The following PLCH1 variants were observed in gnomAD, a reference collection of about 807,000 sequenced individuals.
The protein encoded by PLCH1 is 1-phosphatidylinositol 4,5-bisphosphate phosphodiesterase eta-1.
Under a neutral mutation model 126.7 loss-of-function variants are expected in PLCH1, and 60 were observed. The ratio of observed to expected loss-of-function variants is 0.47; its 90% CI spans 0.38 to 0.59. PLCH1 has a LOEUF of 0.59. PLCH1 is among the 20% of genes least tolerant of loss of function. The pLI is 0.00. For synonymous variants in PLCH1, 719 were observed against 734.9 expected, an observed-to-expected ratio of 0.98 and a Z score of 0.35; for missense variants, 1,723 against 2,040.0, an observed-to-expected ratio of 0.84 and a Z score of 2.99.
intron 2 of PLCH1, among the ~76,000 whole-genome samples, chr3:155,660,218 G>A (rs1741966799): frequency 6.6e-6 from 1 of 152,174 alleles, no homozygotes; most frequent in Admixed American, 6.5e-5. Flanking sequence ...TCCTAATACA[G>A]CAGAGCCACG....
rs1272852541 is a variant in PLCH1, at chr3:155,481,440, T to A, written c.4586A>T (p.Glu1529Val). Residue 1529 changes from glutamate (E) to valine (V), a missense_variant, in exon 23 of 23, where the codon GAG (glutamate) becomes GTG (valine). Glu to Val is a moderately radical substitution (Grantham distance 121). This residue lies in a region of PLCH1 where 947 missense variants were observed against 977.1 expected (regional missense o/e 0.97). Coordinates refer to ENST00000460012, the MANE Select transcript of PLCH1 (RefSeq NM_014996.4). This position sits in a 1 kb window ranked among gnomAD's most constrained non-coding sequence, Gnocchi z 4.2. Reference protein sequence around the residue: ...KGVTVKTKSLEPIDALTEQLR... With the variant: ...KGVTVKTKSLVPIDALTEQLR... ...CTGCTCGGTCAGGGCATCTATAGGCTCTAACGACTTTGTCTTCACAGTCAC... is the reference window on the plus strand; with the variant it reads ...CTGCTCGGTCAGGGCATCTATAGGCACTAACGACTTTGTCTTCACAGTCAC... 1 of 1,614,184 alleles carries A rather than the reference T, an allele frequency of 6.2e-7. No homozygotes were observed. Among genetic ancestry groups the A allele is most frequent in the South Asian group, 1.1e-5 (1 of 91,086 alleles).
chr3:155,621,254 G>A lies in PLCH1; in HGVS notation c.80-24876C>T, dbSNP rs6803375. On this transcript the variant is annotated intron_variant, in intron 2 of 22. Coordinates refer to ENST00000460012, the MANE Select transcript of PLCH1 (RefSeq NM_014996.4). ...GGACATCCACTCAGAGACCCCATCC[G>A]AAGGTCACTAACATCAAAGACTAAA... Among the ~76,000 whole-genome samples the A allele has an allele frequency of 4.1e-3, 617 of 152,258 alleles. 5 individuals are homozygous for A. The highest frequency in any genetic ancestry group is 0.014 in the African/African-American group (592 of 41,540).
rs142711802 is a variant in PLCH1, at chr3:155,686,086, T to A, written c.79+18060A>T. Among the ~76,000 whole-genome samples the A allele has an allele frequency of 1.6e-4, 25 of 152,300 alleles. No homozygotes were observed. In the Middle Eastern group the frequency reaches 0.01, roughly 62 times the overall value. ...GGCAAAGGGCCATGAGGTATGCAAC[T>A]TATTCTCAAATTATTCAGAAAAAAT... is the stretch of plus-strand genomic sequence containing the variant. On this transcript the variant is annotated intron_variant, in intron 2 of 22. Coordinates refer to ENST00000460012, the MANE Select transcript of PLCH1 (RefSeq NM_014996.4).
In PLCH1 at chr3:155,712,994, T is replaced by TAA. The variant is rs10684622; in HGVS notation, c.-40-8732_-40-8731dup. 7.9e-3 allele frequency among the ~76,000 whole-genome samples: 1,125 copies of TAA among 143,018 alleles called. 7 individuals carry two copies. The highest frequency in any genetic ancestry group is 9.3e-3 in the Non-Finnish European group (606 of 65,438). The allele number at this position is 143,018 out of a possible 152,430, so 93.8% of individuals were successfully genotyped here. On this transcript the variant is annotated intron_variant, in intron 1 of 22. Transcript: ENST00000460012. The stretch of plus-strand genomic sequence containing the variant: ...CAATTTTCCATTTATATCTTGTCTT[T>TAA]AAAAAAAAAAAAGCCCTTACAATAG...
At chr3:155,689,141 A>G (rs1461975669) in intron 2 of PLCH1, among the ~76,000 whole-genome samples, 1 of 152,208 alleles carries the variant, frequency 6.6e-6, no homozygotes, top group African/African-American at 2.4e-5. Context: ...TATGTTTGGG[A>G]AAAGTAAGGG....
At chr3:155,733,755 G>A (rs1263350634) in intron 1 of PLCH1, among the ~76,000 whole-genome samples, 3 of 151,660 alleles carry the variant, frequency 2.0e-5, no homozygotes, top group African/African-American at 4.8e-5. Context: ...ATAAAGAGAC[G>A]ACCTGTGGAA....
At chr3:155,455,406 G>C (rs898533508) in intron 21 of PLCH1, among the ~76,000 whole-genome samples, 3 of 152,164 alleles carry the variant, frequency 2.0e-5, no homozygotes, top group Non-Finnish European at 4.4e-5. Context: ...AACTGGCATT[G>C]GTCCTAAATT....
chr3:155,679,150 C>A (rs1373306305), intron 2 of PLCH1, among the ~76,000 whole-genome samples: 1 of 152,190 alleles, frequency 6.6e-6, no homozygotes, highest in African/African-American at 2.4e-5. Context: ...ACAAGACACC[C>A]AGTTAAATTC....
chr3:155,564,084 A>G (rs1395132410), intron 8 of PLCH1, among the ~76,000 whole-genome samples: 2 of 152,050 alleles, frequency 1.3e-5, no homozygotes, highest in Non-Finnish European at 2.9e-5. Flanking sequence ...GGTAGCTAAA[A>G]CTATAGGTGT....
At chr3:155,458,486 GAA>G (rs1560027376) in intron 21 of PLCH1, among the ~76,000 whole-genome samples, 4 of 97,954 alleles carry the variant, frequency 4.1e-5, no homozygotes, top group Admixed American at 8.7e-5. Context: ...AAGAAAGAAA[GAA>G]AGAAAGAAAG....
chr3:155,500,680 G>C, intron 14 of PLCH1, 23 bp downstream of exon 14: 1 of 1,481,164 alleles, frequency 6.8e-7, no homozygotes, highest in Non-Finnish European at 9.4e-7. Context: ...GTGTGAGTAG[G>C]AAACATGGAG....
At chr3:155,716,897 C>T (rs1747560199) in intron 1 of PLCH1, among the ~76,000 whole-genome samples, 2 of 152,300 alleles carry the variant, frequency 1.3e-5, no homozygotes, top group African/African-American at 2.4e-5. Flanking sequence ...GTCAAAAGTC[C>T]GAAGTCCAAG....
intron 2 of PLCH1, among the ~76,000 whole-genome samples, chr3:155,651,959 G>A (rs1036829673): frequency 7.9e-5 from 12 of 152,184 alleles, no homozygotes; most frequent in Non-Finnish European, 1.0e-4. Flanking sequence ...CCAGGAATCT[G>A]TAAAACTATG....
intron 1 of PLCH1, among the ~76,000 whole-genome samples, chr3:155,739,284 G>A (rs141357463): frequency 6.6e-6 from 1 of 152,122 alleles, no homozygotes; most frequent in African/African-American, 2.4e-5. Flanking sequence ...AAAAATAATC[G>A]GGCAACATTT....
intron 11 of PLCH1, among the ~76,000 whole-genome samples, chr3:155,515,277 A>T (rs1384354946): frequency 6.6e-6 from 1 of 152,192 alleles, no homozygotes; most frequent in African/African-American, 2.4e-5. Context: ...CCTTCCCCCT[A>T]TGCTTATGCT....
chr3:155,497,981 C>T (rs933455448), intron 14 of PLCH1, among the ~76,000 whole-genome samples: 4 of 152,146 alleles, frequency 2.6e-5, no homozygotes, highest in Non-Finnish European at 4.4e-5. Flanking sequence ...TCCCAAAATG[C>T]TAGGATTACA....
chr3:155,528,057 G>A (rs783552), intron 10 of PLCH1, among the ~76,000 whole-genome samples: 123,477 of 151,308 alleles, frequency 0.82, 51,990 homozygotes, highest in Middle Eastern at 0.95. Context: ...AACCTCATCT[G>A]TACTAAAAAT....
At position 155,585,468 on chromosome 3, in the gene PLCH1, G is replaced by A. The variant is rs115791147; in HGVS notation, c.600+597C>T. Among the ~76,000 whole-genome samples the A allele has an allele frequency of 1.6e-3, 237 of 152,212 alleles. 2 individuals carry two copies. The highest frequency in any genetic ancestry group is 5.5e-3 in the African/African-American group (227 of 41,514). Reference sequence around the variant, plus strand: ...ACTTAAACTTAAGAGAGCTCACTTCGGTACTCAGGTAAGGATTAAATGCAG... The same window carrying A: ...ACTTAAACTTAAGAGAGCTCACTTCAGTACTCAGGTAAGGATTAAATGCAG... On this transcript the variant is annotated intron_variant, in intron 5 of 22. Transcript: ENST00000460012.
At chr3:155,665,557 G>A (rs966164918) in intron 2 of PLCH1, among the ~76,000 whole-genome samples, 7 of 152,096 alleles carry the variant, frequency 4.6e-5, no homozygotes, top group African/African-American at 7.2e-5. Context: ...CCAACACTGC[G>A]GTAAAAGGAC....
Sources: allele counts gnomAD v4.1 joint callset (sites outside exome capture counted in the v4.1 genomes callset), GRCh38; gene constraint gnomAD v4.1.1; regional missense constraint gnomAD v4.1.1; non-coding constraint Gnocchi (gnomAD v3.1); transcripts MANE v1.5; gene names NCBI Gene and HGNC (gene_info 2026-07-23, HGNC 2026-07-21).